The following KCNQ5 variants were observed in gnomAD, a reference collection of about 807,000 sequenced individuals.
KCNQ5 encodes potassium voltage-gated channel subfamily KQT member 5.
KCNQ5 carries 30 observed loss-of-function variants against 98.2 expected under a neutral mutation model. The ratio of observed to expected loss-of-function variants is 0.31; its 90% CI spans 0.23 to 0.41. The LOEUF (loss-of-function observed/expected upper bound fraction) is 0.41, where lower values mean the gene tolerates loss of function less well. KCNQ5 is among the 10% of genes least tolerant of loss of function. The pLI, the probability that KCNQ5 is intolerant of heterozygous loss-of-function variation, is 1.00. For synonymous variants in KCNQ5, 458 were observed against 449.4 expected, an observed-to-expected ratio of 1.02 and a Z score of -0.24; for missense variants, 835 against 1,182.5, an observed-to-expected ratio of 0.71 and a Z score of 4.31.
intron 1 of KCNQ5, among the ~76,000 whole-genome samples, chr6:72,969,818 G>T (rs1767789534): frequency 6.6e-6 from 1 of 152,116 alleles, no homozygotes; most frequent in East Asian, 1.9e-4. Context: ...GATGTTGTCT[G>T]GGAGTATCTA....
chr6:72,770,540 A>G (rs1284740640), intron 1 of KCNQ5, among the ~76,000 whole-genome samples: 1 of 152,180 alleles, frequency 6.6e-6, no homozygotes. Context: ...CAGAATCTGT[A>G]AGATGACCTG....
intron 1 of KCNQ5, among the ~76,000 whole-genome samples, chr6:72,829,483 A>G (rs561639534): frequency 3.2e-4 from 49 of 151,944 alleles, no homozygotes; most frequent in African/African-American, 1.2e-3. Context: ...TGACTTTACC[A>G]TGGTATTAAA....
At chr6:73,005,448 C>A (rs1015376970) in intron 2 of KCNQ5, among the ~76,000 whole-genome samples, 5 of 152,124 alleles carry the variant, frequency 3.3e-5, no homozygotes, top group Non-Finnish European at 7.4e-5. Context: ...AGGAATAAAT[C>A]AATCATTAGG....
At chr6:72,898,632 CG>C (rs1296252126) in intron 1 of KCNQ5, among the ~76,000 whole-genome samples, 7 of 152,148 alleles carry the variant, frequency 4.6e-5, no homozygotes, top group Non-Finnish European at 1.0e-4. Flanking sequence ...CTGCAATAAA[CG>C]TAAGTGTGCA....
intron 11 of KCNQ5, among the ~76,000 whole-genome samples, chr6:73,170,658 G>A (rs1345114971): frequency 6.6e-6 from 1 of 152,104 alleles, no homozygotes; most frequent in Non-Finnish European, 1.5e-5. Flanking sequence ...ACCAGGCCAG[G>A]TGCAGTGCCT....
intron 10 of KCNQ5, chr6:73,134,126 T>C (rs952853846): frequency 2.7e-5 from 10 of 374,254 alleles, no homozygotes; most frequent in Non-Finnish European, 4.3e-5. Context: ...CAGAGACCAC[T>C]GCTTATCTTC....
At chr6:73,138,796 T>C (rs1776584372) in intron 10 of KCNQ5, among the ~76,000 whole-genome samples, 1 of 152,180 alleles carries the variant, frequency 6.6e-6, no homozygotes, top group African/African-American at 2.4e-5. Flanking sequence ...GCAGAATATC[T>C]TCCGATTGTG....
intron 1 of KCNQ5, among the ~76,000 whole-genome samples, chr6:72,900,980 C>T (rs576647101): frequency 3.9e-5 from 6 of 152,106 alleles, no homozygotes; most frequent in African/African-American, 1.4e-4. Context: ...GTCCTTAGCC[C>T]ATTTTTTTAA....
At chr6:72,933,973 A>C (rs138742949) in intron 1 of KCNQ5, among the ~76,000 whole-genome samples, 1 of 152,290 alleles carries the variant, frequency 6.6e-6, no homozygotes, top group African/African-American at 2.4e-5. Flanking sequence ...AATGTACACC[A>C]TCTCTGAGCC....
chr6:72,939,677 A>G (rs1040208985), intron 1 of KCNQ5, among the ~76,000 whole-genome samples: 1 of 152,190 alleles, frequency 6.6e-6, no homozygotes, highest in African/African-American at 2.4e-5. Flanking sequence ...TCACTCACTC[A>G]ACACATACTT....
rs369412360 is a variant in KCNQ5, at chr6:72,743,697, G to A, written c.398+121110G>A. On this transcript the variant is annotated intron_variant, in intron 1 of 13. Coordinates refer to ENST00000370398, the MANE Select transcript of KCNQ5 (RefSeq NM_019842.4). ...AATGCTGGAACTGGATTCAACCTCT[G>A]GTTTGTATTCTTACCAGGTCTGCTG... 3.3e-5 allele frequency among the ~76,000 whole-genome samples: 5 copies of A among 152,212 alleles called. No homozygotes were observed. The South Asian group carries it at 1.0e-3, about 32-fold the overall frequency.
At chr6:73,063,433 CT>C (rs1381777602) in intron 3 of KCNQ5, among the ~76,000 whole-genome samples, 1 of 152,112 alleles carries the variant, frequency 6.6e-6, no homozygotes, top group African/African-American at 2.4e-5. Context: ...GACACTCTTT[CT>C]TTCCTTTTAA....
chr6:72,897,037 C>G (rs1158894225), intron 1 of KCNQ5, among the ~76,000 whole-genome samples: 1 of 151,698 alleles, frequency 6.6e-6, no homozygotes, highest in African/African-American at 2.4e-5. Flanking sequence ...GGAGGTCATT[C>G]CGAGCAACAT....
At chr6:73,068,638 A>G (rs912811154) in intron 3 of KCNQ5, among the ~76,000 whole-genome samples, 3 of 152,154 alleles carry the variant, frequency 2.0e-5, no homozygotes, top group Admixed American at 2.0e-4. Flanking sequence ...CCCAGCTATT[A>G]AGCAGCAGAG....
At chr6:73,037,114 T>A (rs956636260) in intron 2 of KCNQ5, among the ~76,000 whole-genome samples, 1 of 152,242 alleles carries the variant, frequency 6.6e-6, no homozygotes, top group African/African-American at 2.4e-5. Flanking sequence ...TGATGTCAAA[T>A]AACTTTTCAT....
chr6:72,857,943 G>A (rs568117316), intron 1 of KCNQ5, among the ~76,000 whole-genome samples: 2 of 152,290 alleles, frequency 1.3e-5, no homozygotes, highest in East Asian at 3.9e-4. Context: ...GTATTCATGA[G>A]AAAGCAAAAT....
At chr6:73,143,887 C>T (rs1002992793) in intron 10 of KCNQ5, among the ~76,000 whole-genome samples, 5 of 152,116 alleles carry the variant, frequency 3.3e-5, no homozygotes, top group African/African-American at 1.2e-4. Context: ...AAAATTCGCA[C>T]AAAATAAGCA....
At chr6:72,716,638 C>T (rs1769659532) in intron 1 of KCNQ5, among the ~76,000 whole-genome samples, 1 of 152,096 alleles carries the variant, frequency 6.6e-6, no homozygotes, top group Non-Finnish European at 1.5e-5. Flanking sequence ...GGTTTAGTGA[C>T]ATATGGCCAT....
At chr6:72,862,150 C>A (rs1777791557) in intron 1 of KCNQ5, among the ~76,000 whole-genome samples, 1 of 152,278 alleles carries the variant, frequency 6.6e-6, no homozygotes, top group Admixed American at 6.5e-5. Context: ...TGGAGAGGGA[C>A]CTGTCTGTCT....
Sources: gnomAD v4.1 joint callset for allele counts (sites outside exome capture counted in the v4.1 genomes callset) on GRCh38, gnomAD v4.1.1 for gene constraint, MANE v1.5 for transcripts, NCBI Gene and HGNC (gene_info 2026-07-23, HGNC 2026-07-21) for gene names.